Variants in CDC14A observed in about 807,000 individuals in gnomAD.
CDC14A encodes cell division cycle 14A, also known as dual specificity protein phosphatase CDC14A.
In CDC14A, 53 loss-of-function variants were observed where a neutral mutation model predicts 74.4. The ratio of observed to expected loss-of-function variants is 0.71; its 90% CI spans 0.57 to 0.89. The LOEUF (loss-of-function observed/expected upper bound fraction) is 0.89, where lower values mean the gene tolerates loss of function less well. CDC14A is among the 40% of genes least tolerant of loss of function. CDC14A has a pLI of 0.00. For missense variants in CDC14A, 646 were observed against 713.7 expected (o/e 0.91, Z 1.08); for synonymous variants, 247 against 258.4 (o/e 0.96, Z 0.43).
upstream of CDC14A, among the ~76,000 whole-genome samples, chr1:100,348,038 C>T (rs1223656461): frequency 6.6e-6 from 1 of 152,108 alleles, no homozygotes; most frequent in Admixed American, 6.6e-5. Flanking sequence ...AATCCCAGCA[C>T]TTTGGGAGGG....
intron 15 of CDC14A, among the ~76,000 whole-genome samples, chr1:100,517,978 C>T (rs545781747): frequency 9.9e-5 from 15 of 152,088 alleles, no homozygotes; most frequent in African/African-American, 3.6e-4. Context: ...GGCTACCTAC[C>T]GATTTTTAAA....
intron 8 of CDC14A, among the ~76,000 whole-genome samples, chr1:100,460,173 G>A (rs1443366631): frequency 6.6e-6 from 1 of 152,182 alleles, no homozygotes; most frequent in Non-Finnish European, 1.5e-5. Context: ...CATATAGTAA[G>A]TGCTTGATAA....
chr1:100,451,681 C>T (rs531016609), intron 7 of CDC14A, among the ~76,000 whole-genome samples: 8 of 152,308 alleles, frequency 5.3e-5, no homozygotes, highest in Admixed American at 1.3e-4. Flanking sequence ...GTCTTTGTGT[C>T]ACTGTCATTC....
intron 5 of CDC14A, among the ~76,000 whole-genome samples, chr1:100,431,253 G>A (rs1357765356): frequency 2.0e-5 from 3 of 152,044 alleles, no homozygotes; most frequent in Non-Finnish European, 4.4e-5. Context: ...GCTGGAACAA[G>A]AAGGTGCTTT....
At chr1:100,467,726 G>A (rs1023748202) in intron 9 of CDC14A, among the ~76,000 whole-genome samples, 1 of 152,052 alleles carries the variant, frequency 6.6e-6, no homozygotes, top group Non-Finnish European at 1.5e-5. Flanking sequence ...AGACCCATTT[G>A]CTTTTTATCA....
chr1:100,484,903 A>G, intron 11 of CDC14A: 1 of 979,018 alleles, frequency 1.0e-6, no homozygotes. Flanking sequence ...TCTACTGTAA[A>G]CAAACCACGG....
rs1233356387 is a variant in CDC14A, at chr1:100,441,407, A to G, written c.456+1409A>G. Among the ~76,000 whole-genome samples, 3 of 152,240 alleles carry G rather than the reference A, an allele frequency of 2.0e-5. No individual in the cohort carries two copies. The East Asian group carries it at 5.8e-4, about 29-fold the overall frequency. On this transcript the variant is annotated intron_variant, in intron 6 of 15. Coordinates refer to ENST00000336454, the MANE Select transcript of CDC14A (RefSeq NM_003672.4). ...GGGCTATTTTTGTGTGGCAACGAGTAGTACCATTCCAAGAACCTATACAGA... is the reference window on the plus strand; with the variant it reads ...GGGCTATTTTTGTGTGGCAACGAGTGGTACCATTCCAAGAACCTATACAGA...
In CDC14A at chr1:100,489,533, T is replaced by A. The variant is rs184378112; in HGVS notation, c.1137+5082T>A. Among the ~76,000 whole-genome samples, 132 of 152,170 alleles carry A rather than the reference T, an allele frequency of 8.7e-4. 1 individual carries two copies. In the East Asian group the frequency reaches 0.016, roughly 19 times the overall value. ...AGAGAAAACAACTGGTGGAATAAAA[T>A]ATTTATTCTTCATGTTGTTGTTTGT... On this transcript the variant is annotated intron_variant, in intron 11 of 15. Coordinates refer to ENST00000336454, the MANE Select transcript of CDC14A (RefSeq NM_003672.4).
At chr1:100,491,572 A>ATATATATATATTT (rs1418515078) in intron 11 of CDC14A, among the ~76,000 whole-genome samples, 1 of 25,098 alleles carries the variant, frequency 4.0e-5, no homozygotes, top group African/African-American at 1.6e-4. Flanking sequence ...ATATATATAT[A>ATATATATATATTT]TTTTTTTTTT....
At chr1:100,476,954 G>A (rs1254701960) in intron 10 of CDC14A, among the ~76,000 whole-genome samples, 2 of 152,158 alleles carry the variant, frequency 1.3e-5, no homozygotes, top group Non-Finnish European at 2.9e-5. Flanking sequence ...GGACCCAGGG[G>A]GAGCCATTTA....
At chr1:100,505,640 G>T (rs1219473314) in intron 15 of CDC14A, among the ~76,000 whole-genome samples, 3 of 152,210 alleles carry the variant, frequency 2.0e-5, no homozygotes, top group Non-Finnish European at 2.9e-5. Context: ...ATACTTTCCA[G>T]TGGTATGTAG....
Position 100,390,750 on chromosome 1 carries a change from A to C in CDC14A, c.235A>C (p.Lys79Gln), listed in dbSNP as rs779708565. Residue 79 changes from lysine (K) to glutamine (Q), a missense_variant, in exon 4 of 16, where the codon AAG becomes CAG. By Grantham distance (53) the Lys-to-Gln change is moderately conservative. Coordinates refer to ENST00000336454, the MANE Select transcript of CDC14A (RefSeq NM_003672.4). The stretch of plus-strand genomic sequence containing the variant: ...TTTCTAGTCATACAGTTTGTCAAGA[A>C]AGAAAATAGTGCACTACACCTGTTT... ...KKLKSYSLSR[K>Q]KIVHYTCFDQ... is the part of the protein sequence containing the mutation. 6.2e-7 allele frequency: 1 copy of C among 1,612,064 alleles called. No individual in the cohort carries two copies. Among genetic ancestry groups the C allele is most frequent in the South Asian group, 1.1e-5 (1 of 91,044 alleles).
chr1:100,409,451 A>G (rs1333532839), intron 4 of CDC14A, among the ~76,000 whole-genome samples: 3 of 152,218 alleles, frequency 2.0e-5, no homozygotes, highest in African/African-American at 7.2e-5. Context: ...TCGAAAGTCC[A>G]TAGTCCAAAG....
chr1:100,480,272 T>G (rs1669315146), intron 10 of CDC14A, among the ~76,000 whole-genome samples: 1 of 152,252 alleles, frequency 6.6e-6, no homozygotes, highest in South Asian at 2.1e-4. Context: ...TGTGTCTGGC[T>G]TATTTTACTT....
chr1:100,393,962 A>AATATATAT, intron 4 of CDC14A: 1 of 217,522 alleles, frequency 4.6e-6, no homozygotes, highest in Non-Finnish European at 9.0e-6. Flanking sequence ...CGCAAAAAAA[A>AATATATAT]ATATATATAT....
chr1:100,376,930 T>C (rs1655347095), intron 2 of CDC14A, among the ~76,000 whole-genome samples: 1 of 152,178 alleles, frequency 6.6e-6, no homozygotes, highest in African/African-American at 2.4e-5. Flanking sequence ...CATGTACTTG[T>C]TATATTCCTG....
intron 12 of CDC14A, among the ~76,000 whole-genome samples, chr1:100,495,628 TATAAATAAGAGATACA>T (rs1187537021): frequency 6.6e-6 from 1 of 152,212 alleles, no homozygotes; most frequent in Non-Finnish European, 1.5e-5. Flanking sequence ...TTTTTTGACT[TATAAATAAGAGATACA>T]CATAGCAGAA....
chr1:100,437,905 A>G (rs1021682191), intron 5 of CDC14A, among the ~76,000 whole-genome samples: 8 of 151,858 alleles, frequency 5.3e-5, no homozygotes, highest in African/African-American at 1.7e-4. Flanking sequence ...AGAAATTTTT[A>G]CCCCCTTTTA....
chr1:100,507,378 T>C (rs1457489862), intron 15 of CDC14A, among the ~76,000 whole-genome samples: 1 of 152,208 alleles, frequency 6.6e-6, no homozygotes, highest in Non-Finnish European at 1.5e-5. Flanking sequence ...TATATACAGA[T>C]TCATTATTAT....
Sources: gnomAD v4.1 joint callset for allele counts (sites outside exome capture counted in the v4.1 genomes callset) on GRCh38, gnomAD v4.1.1 for gene constraint, MANE v1.5 for transcripts, NCBI Gene and HGNC (gene_info 2026-07-23, HGNC 2026-07-21) for gene names.